The following PALM2AKAP2 variants were observed in gnomAD, a reference collection of about 807,000 sequenced individuals.
PALM2AKAP2 encodes the protein PALM2 and AKAP2 fusion, also known as PALM2-AKAP2 fusion protein.
Under a neutral mutation model 71.5 loss-of-function variants are expected in PALM2AKAP2, and 37 were observed. The observed-to-expected ratio is 0.52, with a 90% CI of 0.40 to 0.68. The LOEUF (loss-of-function observed/expected upper bound fraction) is 0.68. Ranked by LOEUF, PALM2AKAP2 falls within the 30% of genes least tolerant of loss-of-function variation. PALM2AKAP2 has a pLI of 0.00. For missense variants in PALM2AKAP2, 1,224 were observed against 1,191.8 expected (o/e 1.03, Z -0.40); for synonymous variants, 468 against 478.8 (o/e 0.98, Z 0.29).
chr9:109,816,956 TA>T (rs1827869103), intron 1 of PALM2AKAP2, among the ~76,000 whole-genome samples: 1 of 152,240 alleles, frequency 6.6e-6, no homozygotes, highest in Non-Finnish European at 1.5e-5. Flanking sequence ...GCGGTACAAA[TA>T]CTCTTCTAAT....
At chr9:109,897,604 A>G (rs923178373) in intron 3 of PALM2AKAP2, among the ~76,000 whole-genome samples, 2 of 152,186 alleles carry the variant, frequency 1.3e-5, no homozygotes, top group East Asian at 1.9e-4. Flanking sequence ...ATAGTATTTG[A>G]CAATGACGAT....
intron 1 of PALM2AKAP2, among the ~76,000 whole-genome samples, chr9:109,848,575 A>C (rs568942903): frequency 5.9e-5 from 9 of 152,224 alleles, no homozygotes; most frequent in African/African-American, 1.9e-4. Flanking sequence ...GGTGCTCTCT[A>C]ATAGGGCTCT....
chr9:110,078,201 A>G (rs1374665861), intron 1 of PALM2AKAP2, among the ~76,000 whole-genome samples: 3 of 152,336 alleles, frequency 2.0e-5, no homozygotes, highest in East Asian at 1.9e-4. Context: ...GATTTGGCAC[A>G]TGGGCTGTCT....
chr9:109,858,673 T>C (rs1829232911), intron 1 of PALM2AKAP2, among the ~76,000 whole-genome samples: 1 of 152,174 alleles, frequency 6.6e-6, no homozygotes, highest in Admixed American at 6.5e-5. Context: ...ATTCCTGCCA[T>C]TTGGGACTTT....
chr9:110,057,470 C>A (rs957270170), intron 1 of PALM2AKAP2, among the ~76,000 whole-genome samples: 9 of 151,736 alleles, frequency 5.9e-5, no homozygotes, highest in African/African-American at 2.2e-4. Flanking sequence ...CCTCTGCCTC[C>A]CCGGTTCAAG....
At chr9:109,681,967 C>T (rs1449441321) in intron 1 of PALM2AKAP2, among the ~76,000 whole-genome samples, 2 of 152,166 alleles carry the variant, frequency 1.3e-5, no homozygotes, top group African/African-American at 4.8e-5. Flanking sequence ...CTTCTGTTAC[C>T]AACCCAATAA....
chr9:109,829,361 C>T (rs1035990768), intron 1 of PALM2AKAP2, among the ~76,000 whole-genome samples: 5 of 152,116 alleles, frequency 3.3e-5, no homozygotes, highest in East Asian at 1.9e-4. Flanking sequence ...TATTTCCTCT[C>T]CTGCTTTCCT....
chr9:109,699,868 C>T (rs1372667034), intron 1 of PALM2AKAP2, among the ~76,000 whole-genome samples: 2 of 152,100 alleles, frequency 1.3e-5, no homozygotes, highest in Non-Finnish European at 2.9e-5. Context: ...CTCCGCCTCC[C>T]GGGTTCAAGC....
At chr9:109,998,869 C>A (rs114136366) in intron 6 of PALM2AKAP2, among the ~76,000 whole-genome samples, 29 of 151,874 alleles carry the variant, frequency 1.9e-4, no homozygotes, top group African/African-American at 6.8e-4. Context: ...TGTCATCCAT[C>A]AGGTGACTTT....
intron 1 of PALM2AKAP2, among the ~76,000 whole-genome samples, chr9:109,832,189 A>T (rs1271906874): frequency 2.0e-5 from 3 of 152,208 alleles, no homozygotes; most frequent in African/African-American, 7.2e-5. Flanking sequence ...TATGTGCTGG[A>T]CAGCTTTGGC....
At chr9:110,089,557 A>T (rs149860539) in intron 1 of PALM2AKAP2, among the ~76,000 whole-genome samples, 6 of 152,306 alleles carry the variant, frequency 3.9e-5, no homozygotes, top group African/African-American at 7.2e-5. Flanking sequence ...GACAATGTTT[A>T]AAAAAATCCC....
chr9:109,865,790 G>A (rs1829433984), intron 1 of PALM2AKAP2, among the ~76,000 whole-genome samples: 1 of 152,220 alleles, frequency 6.6e-6, no homozygotes, highest in African/African-American at 2.4e-5. Flanking sequence ...GGGAATGACT[G>A]ACAAAGTCCA....
intron 1 of PALM2AKAP2, among the ~76,000 whole-genome samples, chr9:109,818,152 A>T (rs889485295): frequency 1.3e-5 from 2 of 152,230 alleles, no homozygotes; most frequent in Non-Finnish European, 2.9e-5. Flanking sequence ...TACGCTAATG[A>T]ATGTATTTAT....
At chr9:109,876,185 G>A (rs16914573) in intron 2 of PALM2AKAP2, among the ~76,000 whole-genome samples, 15,769 of 151,880 alleles carry the variant, frequency 0.1, 1,410 homozygotes, top group African/African-American at 0.24. Context: ...CTCTGCTTCC[G>A]CTAAATTCTG....
At chr9:110,030,062 A>G (rs961540457) in intron 7 of PALM2AKAP2, among the ~76,000 whole-genome samples, 4 of 152,222 alleles carry the variant, frequency 2.6e-5, no homozygotes, top group Non-Finnish European at 5.9e-5. Flanking sequence ...TGAAAAATCA[A>G]TTGACACTAG....
chr9:110,158,814 G>T (rs1002636017), intron 3 of PALM2AKAP2, among the ~76,000 whole-genome samples: 10 of 152,178 alleles, frequency 6.6e-5, no homozygotes, highest in Admixed American at 2.0e-4. Context: ...AACCAAGTTT[G>T]CTGTTGTTGA....
At chr9:109,733,410 G>A (rs1488211130) in intron 1 of PALM2AKAP2, among the ~76,000 whole-genome samples, 5 of 152,202 alleles carry the variant, frequency 3.3e-5, no homozygotes, top group Admixed American at 6.5e-5. Context: ...GATCCTGAAT[G>A]GTGAGTGGGA....
chr9:110,050,636 T>A lies in PALM2AKAP2; in HGVS notation c.156+1781T>A, dbSNP rs565861192. ...TTTTCTTTTCTTTTCTTTTTTTTTC[T>A]TTTCTTTTCTTTCGAAGTTTTGCTC... On this transcript the variant is annotated intron_variant, in intron 1 of 3. Coordinates refer to ENST00000374525, the Ensembl canonical transcript of PALM2AKAP2. Among the ~76,000 whole-genome samples, 61 of 151,516 alleles carry A rather than the reference T, an allele frequency of 4.0e-4. No homozygotes were observed. The South Asian group carries it at 0.012, about 31-fold the overall frequency.
At chr9:110,040,179 A>G (rs1321157306) in intron 7 of PALM2AKAP2, among the ~76,000 whole-genome samples, 1 of 152,202 alleles carries the variant, frequency 6.6e-6, no homozygotes, top group Admixed American at 6.5e-5. Flanking sequence ...TGTGGTTTCT[A>G]AAGTGATTTT....
Sources: gnomAD v4.1 joint callset for allele counts (sites outside exome capture counted in the v4.1 genomes callset) on GRCh38, gnomAD v4.1.1 for gene constraint, MANE v1.5 for transcripts, NCBI Gene and HGNC (gene_info 2026-07-23, HGNC 2026-07-21) for gene names.